Variants in ADGRB3 observed in about 807,000 individuals in gnomAD.
The protein encoded by ADGRB3 is brain-specific angiogenesis inhibitor 3.
ADGRB3 carries 37 observed loss-of-function variants against 193.4 expected under a neutral mutation model. That is an observed-to-expected ratio of 0.19 (90% confidence interval 0.15 to 0.25). ADGRB3 has a LOEUF of 0.25. Ranked by LOEUF, ADGRB3 falls within the 10% of genes least tolerant of loss-of-function variation. The pLI, the probability that ADGRB3 is intolerant of heterozygous loss-of-function variation, is 1.00. For missense variants in ADGRB3, 1,637 were observed against 1,852.9 expected (o/e 0.88, Z 2.14); for synonymous variants, 690 against 644.2 (o/e 1.07, Z -1.08).
intron 5 of ADGRB3, among the ~76,000 whole-genome samples, chr6:68,937,056 A>T (rs775357193): frequency 6.6e-6 from 1 of 152,222 alleles, no homozygotes; most frequent in Admixed American, 6.5e-5. Context: ...GGCTTAAGGC[A>T]GTGGTTGACA....
chr6:69,174,187 T>C (rs550990977), intron 17 of ADGRB3, among the ~76,000 whole-genome samples: 6 of 152,334 alleles, frequency 3.9e-5, no homozygotes, highest in Admixed American at 1.3e-4. Context: ...TGGGGAATGA[T>C]TGATCCTGTC....
chr6:69,103,263 A>T (rs141930859), intron 17 of ADGRB3, among the ~76,000 whole-genome samples: 1 of 152,334 alleles, frequency 6.6e-6, no homozygotes, highest in African/African-American at 2.4e-5. Context: ...GTTGAAATAA[A>T]TGGGTTATAA....
rs2296974 is a variant in ADGRB3 at position 69,354,295 on chromosome 6, G to A, written c.3522G>A (p.Ser1174=). ...NCQDPINADS[S]SSFPNGHAQI... ...AGGATCCCATCAATGCAGATTCTTC[G>A]AGTTCGTTTCCTAATGGGCATGCTC... is the stretch of plus-strand genomic sequence containing the variant. The change falls in exon 27 of 32, where the codon TCG becomes TCA. Residue 1174 remains serine, a synonymous_variant. Transcript: ENST00000370598. The A allele has an allele frequency of 0.18, 288,918 of 1,612,692 alleles. 27,366 individuals carry two copies. Among genetic ancestry groups the A allele is most frequent in the African/African-American group, 0.26 (19,183 of 74,886 alleles).
intron 19 of ADGRB3, among the ~76,000 whole-genome samples, chr6:69,236,124 TA>T (rs1221129827): frequency 6.6e-6 from 1 of 152,020 alleles, no homozygotes; most frequent in Admixed American, 6.6e-5. Context: ...CAATTTTATT[TA>T]AAAAGACCAT....
At chr6:69,208,032 C>T (rs1017061722) in intron 17 of ADGRB3, among the ~76,000 whole-genome samples, 1 of 152,198 alleles carries the variant, frequency 6.6e-6, no homozygotes, top group Non-Finnish European at 1.5e-5. Flanking sequence ...CGGCGTTGGT[C>T]TCTGCCACTG....
intron 17 of ADGRB3, among the ~76,000 whole-genome samples, chr6:69,118,439 G>C (rs899611145): frequency 7.6e-6 from 1 of 131,148 alleles, no homozygotes; most frequent in Non-Finnish European, 1.7e-5. Flanking sequence ...AAAGTCTCAG[G>C]CTACCAGAGT....
At chr6:68,791,514 G>GA (rs34503562) in intron 3 of ADGRB3, among the ~76,000 whole-genome samples, 2 of 151,316 alleles carry the variant, frequency 1.3e-5, no homozygotes, top group South Asian at 2.1e-4. Context: ...TTCCTCCTGG[G>GA]AAAAAAAAAT....
At chr6:69,141,370 G>T (rs970651152) in intron 17 of ADGRB3, among the ~76,000 whole-genome samples, 1 of 151,986 alleles carries the variant, frequency 6.6e-6, no homozygotes, top group South Asian at 2.1e-4. Flanking sequence ...TGATCCACCC[G>T]CCTCGGCCTC....
chr6:69,181,730 T>C (rs547408706), intron 17 of ADGRB3, among the ~76,000 whole-genome samples: 1 of 152,330 alleles, frequency 6.6e-6, no homozygotes, highest in East Asian at 1.9e-4. Flanking sequence ...TTTTAAACTA[T>C]TTGGAAACTG....
At chr6:69,245,045 A>T (rs1032492876) in intron 20 of ADGRB3, among the ~76,000 whole-genome samples, 3 of 152,086 alleles carry the variant, frequency 2.0e-5, no homozygotes, top group African/African-American at 7.2e-5. Context: ...GGCAAAATTT[A>T]ATGCCTTTTC....
At chr6:69,052,392 G>A (rs1413939008) in intron 15 of ADGRB3, among the ~76,000 whole-genome samples, 1 of 152,114 alleles carries the variant, frequency 6.6e-6, no homozygotes, top group Non-Finnish European at 1.5e-5. Flanking sequence ...TTCATTCTAT[G>A]TGTTCAGTTA....
chr6:69,258,387 T>A (rs559816569), intron 20 of ADGRB3, among the ~76,000 whole-genome samples: 3 of 152,314 alleles, frequency 2.0e-5, no homozygotes, highest in African/African-American at 7.2e-5. Flanking sequence ...GACAGAGACT[T>A]GTCAACATAA....
intron 15 of ADGRB3, among the ~76,000 whole-genome samples, chr6:69,059,248 C>G (rs533782836): frequency 6.6e-6 from 1 of 152,006 alleles, no homozygotes; most frequent in African/African-American, 2.4e-5. Context: ...GACTTGAAGT[C>G]TATTTTGTTT....
intron 3 of ADGRB3, among the ~76,000 whole-genome samples, chr6:68,669,781 C>A (rs1026141044): frequency 6.6e-6 from 1 of 151,868 alleles, no homozygotes; most frequent in African/African-American, 2.4e-5. Flanking sequence ...GATTTCCTTT[C>A]TTTTGGGTAT....
At chr6:69,032,410 T>C (rs1276350636) in intron 13 of ADGRB3, among the ~76,000 whole-genome samples, 1 of 152,228 alleles carries the variant, frequency 6.6e-6, no homozygotes, top group African/African-American at 2.4e-5. Context: ...AATTTTGCTC[T>C]ACAAATGAAC....
intron 17 of ADGRB3, among the ~76,000 whole-genome samples, chr6:69,189,457 G>A (rs572352662): frequency 2.2e-3 from 338 of 152,260 alleles, no homozygotes; most frequent in African/African-American, 7.7e-3. Context: ...TATTGACCCG[G>A]CATGAGAAGA....
chr6:69,327,752 C>A, intron 21 of ADGRB3, 68 bp from the exon 22 acceptor site: 1 of 1,384,102 alleles, frequency 7.2e-7, no homozygotes, highest in South Asian at 1.4e-5. Flanking sequence ...TTTGTTCTGG[C>A]TTTTCTTAGA....
intron 31 of ADGRB3, 88 bp from the exon 32 acceptor site, chr6:69,388,615 T>A: frequency 7.8e-7 from 1 of 1,276,430 alleles, no homozygotes; most frequent in Non-Finnish European, 1.1e-6. Flanking sequence ...TGGATTAAGA[T>A]TACAAACACG....
At chr6:68,916,452 C>G (rs1582312713) in intron 3 of ADGRB3, among the ~76,000 whole-genome samples, 1 of 152,076 alleles carries the variant, frequency 6.6e-6, no homozygotes, top group African/African-American at 2.4e-5. Context: ...GCTTACCAGG[C>G]AAAAGATACA....
Sources: allele counts gnomAD v4.1 joint callset (sites outside exome capture counted in the v4.1 genomes callset), GRCh38; gene constraint gnomAD v4.1.1; transcripts MANE v1.5; gene names NCBI Gene and HGNC (gene_info 2026-07-23, HGNC 2026-07-21).